PACRG: variants seen among roughly 807,000 people sequenced by gnomAD.
The protein encoded by PACRG is parkin coregulated, also known as parkin coregulated gene protein.
In PACRG, 29 loss-of-function variants were observed where a neutral mutation model predicts 29.7. That is an observed-to-expected ratio of 0.98 (90% CI 0.73 to 1.33). The LOEUF is 1.33. PACRG is among the 40% of genes most tolerant of loss of function. PACRG has a pLI of 0.00. For synonymous variants in PACRG, 116 were observed against 118.7 expected (o/e 0.98, Z 0.15); for missense variants, 279 against 316.2 (o/e 0.88, Z 0.89).
At chr6:162,980,025 C>T (rs1035720247) in intron 2 of PACRG, among the ~76,000 whole-genome samples, 15 of 151,904 alleles carry the variant, frequency 9.9e-5, no homozygotes, top group South Asian at 4.1e-4. Flanking sequence ...GAAAGGCCTG[C>T]GAGTTTTAGA....
intron 4 of PACRG, among the ~76,000 whole-genome samples, chr6:163,114,070 C>G (rs1815852121): frequency 6.6e-6 from 1 of 152,102 alleles, no homozygotes; most frequent in Admixed American, 6.5e-5. Flanking sequence ...GCCAATATGG[C>G]AAAACCCTGT....
intron 2 of PACRG, among the ~76,000 whole-genome samples, chr6:163,038,153 C>A (rs900733761): frequency 3.3e-5 from 5 of 152,128 alleles, no homozygotes; most frequent in African/African-American, 1.2e-4. Flanking sequence ...TAATTTGTGG[C>A]AGAGGCTGGG....
chr6:163,004,489 G>A (rs1804858117), intron 2 of PACRG, among the ~76,000 whole-genome samples: 1 of 151,532 alleles, frequency 6.6e-6, no homozygotes, highest in Non-Finnish European at 1.5e-5. Context: ...CCAAGGGAAG[G>A]GGGAAGAGCG....
At chr6:163,150,207 T>C (rs977750013) in intron 4 of PACRG, among the ~76,000 whole-genome samples, 1 of 152,304 alleles carries the variant, frequency 6.6e-6, no homozygotes, top group South Asian at 2.1e-4. Context: ...TGATCATCTA[T>C]GCAAAGGGGG....
intron 2 of PACRG, among the ~76,000 whole-genome samples, chr6:162,987,350 A>G (rs1302584116): frequency 6.6e-6 from 1 of 152,132 alleles, no homozygotes; most frequent in Non-Finnish European, 1.5e-5. Flanking sequence ...AATGTCTGCA[A>G]GCTTCAGGTC....
chr6:162,756,158 C>A (rs1487791231), intron 1 of PACRG, among the ~76,000 whole-genome samples: 1 of 152,044 alleles, frequency 6.6e-6, no homozygotes, highest in Non-Finnish European at 1.5e-5. Context: ...TCTGTTAGAT[C>A]CATTTGTTTT....
At chr6:162,849,412 G>A (rs979980701) in intron 2 of PACRG, among the ~76,000 whole-genome samples, 3 of 152,334 alleles carry the variant, frequency 2.0e-5, no homozygotes, top group Non-Finnish European at 4.4e-5. Context: ...AAGAATGCAT[G>A]CCCCATTCCC....
intron 2 of PACRG, among the ~76,000 whole-genome samples, chr6:162,928,801 A>G (rs1189075286): frequency 1.3e-5 from 2 of 151,346 alleles, no homozygotes; most frequent in African/African-American, 2.4e-5. Context: ...GTAACAACCA[A>G]TTTGTTTTCT....
intron 2 of PACRG, among the ~76,000 whole-genome samples, chr6:162,956,892 T>C (rs1364435427): frequency 6.6e-6 from 1 of 152,130 alleles, no homozygotes; most frequent in Non-Finnish European, 1.5e-5. Flanking sequence ...CAGTGTAACC[T>C]ATTATCAGTT....
intron 4 of PACRG, among the ~76,000 whole-genome samples, chr6:163,275,763 T>C (rs1460742938): frequency 2.6e-5 from 4 of 152,130 alleles, no homozygotes; most frequent in African/African-American, 9.7e-5. Context: ...TGTGAGATAA[T>C]ATAAAGGATC....
rs552720446 is a variant in PACRG, at chr6:163,071,430, C to A, written c.463+9109C>A. Reference sequence around the variant, plus strand: ...AATGCATGGAATTAAACAATATGCTCCTGAATGACCTGTGGATCACTGAAG... The same window carrying A: ...AATGCATGGAATTAAACAATATGCTACTGAATGACCTGTGGATCACTGAAG... On this transcript the variant is annotated intron_variant, in intron 3 of 4. Coordinates refer to ENST00000366888, the MANE Select transcript of PACRG (RefSeq NM_001080379.2). Among the ~76,000 whole-genome samples, 32 of 151,982 alleles carry A rather than the reference C, an allele frequency of 2.1e-4. No homozygotes were observed. In the South Asian group the frequency reaches 6.6e-3, roughly 32 times the overall value.
At chr6:163,259,690 C>T (rs1310695463) in intron 4 of PACRG, among the ~76,000 whole-genome samples, 2 of 152,208 alleles carry the variant, frequency 1.3e-5, no homozygotes, top group Non-Finnish European at 2.9e-5. Context: ...TTCACTCTGA[C>T]TATAAGGTCT....
At chr6:163,229,246 G>T (rs1011859361) in intron 4 of PACRG, among the ~76,000 whole-genome samples, 4 of 152,134 alleles carry the variant, frequency 2.6e-5, no homozygotes, top group Non-Finnish European at 5.9e-5. Flanking sequence ...CACTCAGGGG[G>T]CTGGGGCAGG....
intron 4 of PACRG, among the ~76,000 whole-genome samples, chr6:163,177,899 G>T (rs1041019118): frequency 1.3e-5 from 2 of 151,772 alleles, no homozygotes; most frequent in Non-Finnish European, 2.9e-5. Flanking sequence ...TGTGGCCACA[G>T]GTCAACGCTT....
intron 4 of PACRG, among the ~76,000 whole-genome samples, chr6:163,099,836 T>C (rs1016539881): frequency 1.3e-5 from 2 of 152,142 alleles, no homozygotes; most frequent in African/African-American, 4.8e-5. Context: ...GGGTGGGTAG[T>C]GAGGGTGAGT....
At chr6:162,818,399 G>A (rs9356066) in intron 2 of PACRG, among the ~76,000 whole-genome samples, 11,001 of 152,038 alleles carry the variant, frequency 0.072, 520 homozygotes, top group East Asian at 0.28. Context: ...GGTGGGGACG[G>A]GGCTCTTTGT....
chr6:163,153,243 G>A (rs1477101080), intron 4 of PACRG, among the ~76,000 whole-genome samples: 1 of 152,092 alleles, frequency 6.6e-6, no homozygotes, highest in Non-Finnish European at 1.5e-5. Flanking sequence ...AGATGATACC[G>A]ATAGTTTGGT....
chr6:163,298,712 G>T (rs1244574248), intron 4 of PACRG, among the ~76,000 whole-genome samples: 1 of 152,188 alleles, frequency 6.6e-6, no homozygotes, highest in Non-Finnish European at 1.5e-5. Context: ...AAACAGCCAT[G>T]ACAAATGATA....
intron 2 of PACRG, among the ~76,000 whole-genome samples, chr6:162,890,948 C>T (rs1210522752): frequency 6.6e-6 from 1 of 152,174 alleles, no homozygotes; most frequent in African/African-American, 2.4e-5. Flanking sequence ...GTCTTGTGCT[C>T]CCTGACCGGG....
Sources: allele counts gnomAD v4.1 joint callset (sites outside exome capture counted in the v4.1 genomes callset), GRCh38; gene constraint gnomAD v4.1.1; transcripts MANE v1.5; gene names NCBI Gene and HGNC (gene_info 2026-07-23, HGNC 2026-07-21).